Variants in KLF8 observed in about 807,000 individuals in gnomAD.
KLF8 encodes Krueppel-like factor 8.
Under a neutral mutation model 18.2 loss-of-function variants are expected in KLF8, and 10 were observed. That is an observed-to-expected ratio of 0.55 (90% CI 0.34 to 0.93). The LOEUF is 0.93. Ranked by LOEUF, KLF8 falls within the 40% of genes least tolerant of loss-of-function variation. The pLI is 0.02. For missense variants in KLF8, 264 were observed against 277.9 expected, an observed-to-expected ratio of 0.95 and a Z score of 0.36; for synonymous variants, 109 against 97.3, an observed-to-expected ratio of 1.12 and a Z score of -0.71.
the KLF8 span, among the ~76,000 whole-genome samples, chrX:56,218,907 A>C: frequency 8.9e-6 from 1 of 112,022 alleles, no homozygotes; most frequent in Admixed American, 9.5e-5. Context: ...GGTCAAAGGA[A>C]TTTGTGTTAC....
intron 2 of KLF8, among the ~76,000 whole-genome samples, chrX:56,264,505 TA>T (rs1437217848): frequency 9.0e-6 from 1 of 110,748 alleles, no homozygotes; most frequent in Non-Finnish European, 1.9e-5. Context: ...TAGTTTTTTT[TA>T]AAAATCCCAG....
chrX:56,185,458 T>C, the KLF8 span, among the ~76,000 whole-genome samples: 8 of 111,602 alleles, frequency 7.2e-5, no homozygotes, highest in East Asian at 2.8e-4. Context: ...CTGCAGGATA[T>C]TATCCAGGAG....
chrX:56,034,477 G>A, the KLF8 span, among the ~76,000 whole-genome samples: 1 of 111,086 alleles, frequency 9.0e-6, no homozygotes, highest in East Asian at 2.8e-4. Context: ...GCTGAAGTTT[G>A]CCTTGGCTAT....
At chrX:56,022,362 C>G in the KLF8 span, among the ~76,000 whole-genome samples, 1 of 108,630 alleles carries the variant, frequency 9.2e-6, no homozygotes, top group South Asian at 4.1e-4. Flanking sequence ...CTGGCTAACA[C>G]AGTGAAACCC....
the KLF8 span, among the ~76,000 whole-genome samples, chrX:56,096,156 A>G: frequency 9.4e-6 from 1 of 106,754 alleles, no homozygotes; most frequent in Non-Finnish European, 1.9e-5. Context: ...ACATGGATGG[A>G]ACTGGAGGCC....
intron 3 of KLF8, chrX:56,268,107 C>A (rs1424530157): frequency 9.0e-6 from 1 of 111,344 alleles, no homozygotes; most frequent in Admixed American, 9.6e-5. Flanking sequence ...CCAGGTTCAT[C>A]TATGCTCTCA....
the KLF8 span, among the ~76,000 whole-genome samples, chrX:56,186,566 A>T: frequency 8.9e-6 from 1 of 111,747 alleles, no homozygotes; most frequent in East Asian, 2.8e-4. Flanking sequence ...AAATCAGCAG[A>T]TTATACATTC....
the KLF8 span, among the ~76,000 whole-genome samples, chrX:55,996,985 A>G: frequency 8.9e-6 from 1 of 112,024 alleles, no homozygotes; most frequent in African/African-American, 3.2e-5. Context: ...AGGTCTGTGT[A>G]CATGCACTCA....
intron 2 of KLF8, among the ~76,000 whole-genome samples, chrX:56,253,890 A>T (rs1602430804): frequency 9.8e-6 from 1 of 102,247 alleles, no homozygotes; most frequent in African/African-American, 3.6e-5. Context: ...CCTCCCAAGT[A>T]GCAGGGACTA....
the KLF8 span, among the ~76,000 whole-genome samples, chrX:56,172,799 T>C: frequency 8.9e-6 from 1 of 112,154 alleles, no homozygotes; most frequent in African/African-American, 3.2e-5. Context: ...ATCGCCATTG[T>C]AACTGGTGTG....
chrX:56,081,181 G>A, the KLF8 span, among the ~76,000 whole-genome samples: 1 of 111,688 alleles, frequency 9.0e-6, no homozygotes, highest in Non-Finnish European at 1.9e-5. Context: ...TTGTTCTGTT[G>A]CTTGTGAGGA....
At chrX:56,204,831 T>G in the KLF8 span, among the ~76,000 whole-genome samples, 1 of 110,644 alleles carries the variant, frequency 9.0e-6, no homozygotes, top group Admixed American at 9.8e-5. Context: ...TAACAACAGT[T>G]TGATTCTAAA....
the KLF8 span, among the ~76,000 whole-genome samples, chrX:55,984,316 T>C: frequency 2.7e-4 from 30 of 110,762 alleles, no homozygotes; most frequent in African/African-American, 9.2e-4. Flanking sequence ...TTTCCGAGTG[T>C]TCTCATCATT....
At chrX:56,253,643 T>A (rs1480186244) in intron 2 of KLF8, among the ~76,000 whole-genome samples, 3 of 111,166 alleles carry the variant, frequency 2.7e-5, no homozygotes, top group Non-Finnish European at 5.7e-5. Context: ...TCAGGTAATG[T>A]GATTCCTTCA....
At chrX:56,007,567 C>T in the KLF8 span, among the ~76,000 whole-genome samples, 1 of 111,095 alleles carries the variant, frequency 9.0e-6, no homozygotes. Flanking sequence ...GCGTCCCTCT[C>T]CTTCCATGCC....
At chrX:56,060,794 G>A in the KLF8 span, among the ~76,000 whole-genome samples, 13 of 111,822 alleles carry the variant, frequency 1.2e-4, no homozygotes, top group Admixed American at 2.8e-4. Context: ...TGTACCTCTG[G>A]TAGAATTCGG....
At chrX:56,268,748 G>A in intron 3 of KLF8, 1 of 779,657 alleles carries the variant, frequency 1.3e-6, no homozygotes, top group South Asian at 5.5e-5. Context: ...CTGGATCTAG[G>A]AGACTGTTGA....
At chrX:56,159,184 T>C in the KLF8 span, among the ~76,000 whole-genome samples, 1 of 112,255 alleles carries the variant, frequency 8.9e-6, no homozygotes, top group Non-Finnish European at 1.9e-5. Context: ...TATGCTGGAT[T>C]ATGTTTATTG....
At chrX:56,111,140 AAGTC>A in the KLF8 span, among the ~76,000 whole-genome samples, 328 of 112,490 alleles carry the variant, frequency 2.9e-3, 3 homozygotes, top group African/African-American at 0.01. Flanking sequence ...GATTTTGAAT[AAGTC>A]AGCCTACTGC....
Sources: gnomAD v4.1 joint callset for allele counts (sites outside exome capture counted in the v4.1 genomes callset) on GRCh38, gnomAD v4.1.1 for gene constraint, MANE v1.5 for transcripts, NCBI Gene and HGNC (gene_info 2026-07-23, HGNC 2026-07-21) for gene names.